FMN1: variants seen among roughly 807,000 people sequenced by gnomAD.
The protein encoded by FMN1 is formin-1.
FMN1 carries 110 observed loss-of-function variants against 132.4 expected under a neutral mutation model. The ratio of observed to expected loss-of-function variants is 0.83; its 90% CI spans 0.71 to 0.97. The LOEUF (loss-of-function observed/expected upper bound fraction) is 0.97. Ranked by LOEUF, FMN1 falls within the 50% of genes least tolerant of loss-of-function variation. The probability of loss-of-function intolerance (pLI) is 0.00; values close to 1 mark genes in which losing one functional copy is unlikely to be tolerated. For missense variants in FMN1, 1,792 were observed against 1,705.3 expected (o/e 1.05, Z -0.90); for synonymous variants, 722 against 651.7 (o/e 1.11, Z -1.64).
intron 12 of FMN1, among the ~76,000 whole-genome samples, chr15:32,906,070 T>C (rs918867892): frequency 9.2e-5 from 14 of 152,178 alleles, no homozygotes; most frequent in Middle Eastern, 3.2e-3. Flanking sequence ...AAGAGTAAGT[T>C]GTGTGTTAAT....
chr15:33,074,478 A>T (rs969812330), intron 5 of FMN1, among the ~76,000 whole-genome samples: 1 of 152,240 alleles, frequency 6.6e-6, no homozygotes, highest in African/African-American at 2.4e-5. Flanking sequence ...TGCCTCTTGC[A>T]AGGACTGTGA....
intron 10 of FMN1, among the ~76,000 whole-genome samples, chr15:32,922,452 G>T (rs548342275): frequency 2.0e-5 from 3 of 152,302 alleles, no homozygotes; most frequent in Admixed American, 2.0e-4. Flanking sequence ...ATGCATAAAG[G>T]AATGAACACT....
intron 9 of FMN1, among the ~76,000 whole-genome samples, chr15:32,945,304 G>A (rs996991955): frequency 6.6e-6 from 1 of 152,016 alleles, no homozygotes; most frequent in Non-Finnish European, 1.5e-5. Context: ...CAATCTCCAC[G>A]GAGTCCTTTA....
At chr15:33,137,639 C>T (rs16965470) in intron 4 of FMN1, among the ~76,000 whole-genome samples, 16,511 of 152,120 alleles carry the variant, frequency 0.11, 1,231 homozygotes, top group African/African-American at 0.2. Context: ...CTACCACCAC[C>T]GGACAATGTA....
At chr15:32,885,195 C>T (rs756196803) in intron 16 of FMN1, among the ~76,000 whole-genome samples, 12 of 152,226 alleles carry the variant, frequency 7.9e-5, no homozygotes, top group Non-Finnish European at 1.6e-4. Flanking sequence ...TCTACCTGGA[C>T]TTCTTCCCCT....
rs935504546 is a variant in FMN1, at chr15:32,891,457, T to G, written c.3715-3165A>C. Among the ~76,000 whole-genome samples the G allele has an allele frequency of 2.0e-5, 3 of 152,212 alleles. No homozygotes were observed. In the East Asian group the frequency reaches 5.8e-4, roughly 29 times the overall value. On this transcript the variant is annotated intron_variant, in intron 15 of 20. Transcript: ENST00000616417. ...CGGGGTTTCACCATGTTAGCCAGGA[T>G]GGTCTCAATCGCCTGACCTCTTGAT...
chr15:33,150,931 G>A lies in FMN1; in HGVS notation c.1867+2117C>T, dbSNP rs1003022656. ...TATTCACCCCTCTTTCTGGACTGCTGGCAACTCTCTGAGCCCTCTTCTGGG... is the reference window on the plus strand; with the variant it reads ...TATTCACCCCTCTTTCTGGACTGCTAGCAACTCTCTGAGCCCTCTTCTGGG... On this transcript the variant is annotated intron_variant, in intron 4 of 20. Coordinates refer to ENST00000616417, the MANE Select transcript of FMN1 (RefSeq NM_001277313.2). 1.2e-5 allele frequency: 12 copies of A among 1,031,610 alleles called. No homozygotes were observed. In the African/African-American group the frequency reaches 1.8e-4, roughly 16 times the overall value. The allele number at this position is 1,031,610 out of a possible 1,614,324, so 63.9% of individuals were successfully genotyped here.
At chr15:32,803,673 CT>C (rs1487299455) in intron 18 of FMN1, among the ~76,000 whole-genome samples, 1 of 152,158 alleles carries the variant, frequency 6.6e-6, no homozygotes, top group African/African-American at 2.4e-5. Flanking sequence ...CCTCTAGAAG[CT>C]GAGGAAAGAC....
chr15:32,850,713 A>AT (rs1249071029), intron 17 of FMN1, among the ~76,000 whole-genome samples: 1 of 152,192 alleles, frequency 6.6e-6, no homozygotes, highest in Non-Finnish European at 1.5e-5. Flanking sequence ...ATACCCATCT[A>AT]TTTATATAAT....
chr15:32,806,578 T>G (rs894053712), intron 17 of FMN1, among the ~76,000 whole-genome samples: 4 of 152,224 alleles, frequency 2.6e-5, no homozygotes, highest in Non-Finnish European at 5.9e-5. Context: ...ATCTACAGTC[T>G]TCAAAATGCT....
chr15:32,869,521 A>G (rs8027615), intron 16 of FMN1, among the ~76,000 whole-genome samples: 102,378 of 152,106 alleles, frequency 0.67, 35,598 homozygotes, highest in African/African-American at 0.85. Context: ...ACACTCAAGT[A>G]TATATAAAAG....
chr15:32,930,788 C>G (rs557340980), intron 9 of FMN1, among the ~76,000 whole-genome samples: 1 of 152,032 alleles, frequency 6.6e-6, no homozygotes, highest in South Asian at 2.1e-4. Flanking sequence ...TTTTAGAGGA[C>G]TTTTCCCTAT....
chr15:33,050,688 T>C (rs2036926787), intron 6 of FMN1, among the ~76,000 whole-genome samples: 1 of 152,228 alleles, frequency 6.6e-6, no homozygotes, highest in Admixed American at 6.5e-5. Flanking sequence ...TACCAAGTAA[T>C]GGGCCAGGAC....
At chr15:33,031,795 T>A (rs2035949587) in intron 6 of FMN1, among the ~76,000 whole-genome samples, 1 of 152,226 alleles carries the variant, frequency 6.6e-6, no homozygotes, top group Non-Finnish European at 1.5e-5. Flanking sequence ...TGGTAACAGA[T>A]GTCACAGAAA....
At chr15:33,085,792 A>G (rs945085327) in intron 5 of FMN1, among the ~76,000 whole-genome samples, 17 of 152,288 alleles carry the variant, frequency 1.1e-4, no homozygotes, top group South Asian at 6.2e-4. Flanking sequence ...TTTTATTTCT[A>G]AATAGTGGTC....
intron 7 of FMN1, among the ~76,000 whole-genome samples, chr15:32,974,728 A>T (rs962352481): frequency 1.3e-5 from 2 of 152,220 alleles, no homozygotes; most frequent in African/African-American, 4.8e-5. Flanking sequence ...CTTAATCCGT[A>T]TTCTGCTCTA....
chr15:32,900,303 T>C, intron 13 of FMN1, 178 bp from the exon 14 acceptor site: 2 of 716,638 alleles, frequency 2.8e-6, no homozygotes, highest in South Asian at 1.5e-5. Context: ...TACAAACACA[T>C]TAACAGCCAT....
chr15:32,832,991 G>A lies in FMN1; in HGVS notation c.3928+24024C>T, dbSNP rs4337273. On this transcript the variant is annotated intron_variant, in intron 17 of 20. Coordinates refer to ENST00000616417, the MANE Select transcript of FMN1 (RefSeq NM_001277313.2). ...AAACCAAGGGACAGACTTTTTTGCC[G>A]CCATTTTGTCCTTCTAAAGTGTTAG... Among the ~76,000 whole-genome samples the A allele has an allele frequency of 2.2e-3, 329 of 152,068 alleles. 1 individual carries two copies. Among genetic ancestry groups the A allele is most frequent in the African/African-American group, 7.1e-3 (295 of 41,504 alleles).
intron 6 of FMN1, chr15:33,013,153 C>CTTTG (rs1403870398): frequency 2.6e-6 from 1 of 383,734 alleles, no homozygotes; most frequent in African/African-American, 2.1e-5. Context: ...TTTGTGAACT[C>CTTTG]AGCAAAGCAC....
Sources: gnomAD v4.1 joint callset for allele counts (sites outside exome capture counted in the v4.1 genomes callset) on GRCh38, gnomAD v4.1.1 for gene constraint, MANE v1.5 for transcripts, NCBI Gene and HGNC (gene_info 2026-07-23, HGNC 2026-07-21) for gene names.